Variants in KCNIP4 observed in about 807,000 individuals in gnomAD.
KCNIP4 encodes the protein Kv channel-interacting protein 4.
In KCNIP4, 12 loss-of-function variants were observed where a neutral mutation model predicts 34.0. The ratio of observed to expected loss-of-function variants is 0.35; its 90% CI spans 0.23 to 0.57. KCNIP4 has a LOEUF of 0.57. KCNIP4 is among the 20% of genes least tolerant of loss of function. The probability of loss-of-function intolerance (pLI) is 0.83; values close to 1 mark genes in which losing one functional copy is unlikely to be tolerated. For synonymous variants in KCNIP4, 124 were observed against 102.2 expected, an observed-to-expected ratio of 1.21 and a Z score of -1.29; for missense variants, 238 against 311.7, an observed-to-expected ratio of 0.76 and a Z score of 1.78.
chr4:21,736,749 T>G (rs1430353174), intron 1 of KCNIP4, among the ~76,000 whole-genome samples: 3 of 152,168 alleles, frequency 2.0e-5, no homozygotes, highest in African/African-American at 7.2e-5. Context: ...ATAAATAATT[T>G]TATATATTTC....
At chr4:21,356,396 C>T (rs918053677) in intron 1 of KCNIP4, among the ~76,000 whole-genome samples, 54 of 151,976 alleles carry the variant, frequency 3.6e-4, no homozygotes, top group African/African-American at 1.0e-3. Context: ...TGCAGATGCA[C>T]GATTGCATAT....
At chr4:21,866,771 T>TC (rs1235724247) in intron 1 of KCNIP4, among the ~76,000 whole-genome samples, 4 of 137,228 alleles carry the variant, frequency 2.9e-5, no homozygotes, top group South Asian at 2.6e-4. Context: ...GATTTTTTTT[T>TC]TTTTTTTTTT....
chr4:21,778,138 T>C (rs1259788975), intron 1 of KCNIP4, among the ~76,000 whole-genome samples: 1 of 152,020 alleles, frequency 6.6e-6, no homozygotes, highest in Admixed American at 6.6e-5. Context: ...TGGTGCATAA[T>C]TTTCATAACT....
At chr4:20,888,661 G>A (rs1054839566) in intron 1 of KCNIP4, among the ~76,000 whole-genome samples, 2 of 151,926 alleles carry the variant, frequency 1.3e-5, no homozygotes, top group East Asian at 1.9e-4. Flanking sequence ...AATATGTATC[G>A]CCACCTACAA....
intron 1 of KCNIP4, among the ~76,000 whole-genome samples, chr4:21,640,582 G>A (rs1746544623): frequency 6.6e-6 from 1 of 152,078 alleles, no homozygotes; most frequent in Non-Finnish European, 1.5e-5. Context: ...TCTGATCCAT[G>A]TTCCAGCCAA....
intron 1 of KCNIP4, among the ~76,000 whole-genome samples, chr4:21,870,133 C>A (rs1304224998): frequency 6.6e-6 from 1 of 152,160 alleles, no homozygotes; most frequent in African/African-American, 2.4e-5. Context: ...AACTTAGCGT[C>A]ACCTTAGTGT....
chr4:21,011,313 T>A (rs1739047056), intron 1 of KCNIP4, among the ~76,000 whole-genome samples: 1 of 152,214 alleles, frequency 6.6e-6, no homozygotes, highest in African/African-American at 2.4e-5. Context: ...TTCATACAAC[T>A]CTTGTTTCTG....
At chr4:21,233,027 C>A (rs143243189) in intron 1 of KCNIP4, among the ~76,000 whole-genome samples, 179 of 152,194 alleles carry the variant, frequency 1.2e-3, no homozygotes, top group African/African-American at 4.1e-3. Flanking sequence ...AGACAAGAAG[C>A]ATTCCAGTGA....
At chr4:21,829,148 C>T (rs1321802702) in intron 1 of KCNIP4, among the ~76,000 whole-genome samples, 1 of 151,844 alleles carries the variant, frequency 6.6e-6, no homozygotes, top group Admixed American at 6.6e-5. Context: ...GGTGCAAAAG[C>T]AATCTTTGGG....
intron 1 of KCNIP4, among the ~76,000 whole-genome samples, chr4:21,547,494 T>C (rs1577574050): frequency 1.3e-5 from 2 of 152,124 alleles, no homozygotes; most frequent in East Asian, 3.9e-4. Flanking sequence ...TATATGATAA[T>C]ATTGCTCACA....
At chr4:21,056,270 A>C (rs2108960047) in intron 1 of KCNIP4, among the ~76,000 whole-genome samples, 1 of 151,930 alleles carries the variant, frequency 6.6e-6, no homozygotes, top group African/African-American at 2.4e-5. Flanking sequence ...CTGTATCTAC[A>C]AAAAAAAGCC....
At position 21,607,274 on chromosome 4, in the gene KCNIP4, G is replaced by C. The variant is rs79049860; in HGVS notation, c.61+341297C>G. 4.3e-3 allele frequency among the ~76,000 whole-genome samples: 650 copies of C among 152,240 alleles called. 1 individual carries two copies. The highest frequency in any genetic ancestry group is 0.01 in the Middle Eastern group (3 of 294). Reference sequence around the variant, plus strand: ...ACCACAGTGAATAACGCCTATCTCAGAAGGTTCTTCTAAGGAATAATGTGT... The same window carrying C: ...ACCACAGTGAATAACGCCTATCTCACAAGGTTCTTCTAAGGAATAATGTGT... On this transcript the variant is annotated intron_variant, in intron 1 of 8. Coordinates refer to ENST00000382152, the MANE Select transcript of KCNIP4 (RefSeq NM_025221.6).
At chr4:21,434,199 T>C (rs527382933) in intron 1 of KCNIP4, among the ~76,000 whole-genome samples, 1 of 152,280 alleles carries the variant, frequency 6.6e-6, no homozygotes, top group African/African-American at 2.4e-5. Flanking sequence ...GATATTCATG[T>C]TACAATTGAA....
chr4:21,124,045 A>AC (rs200013934), intron 1 of KCNIP4, among the ~76,000 whole-genome samples: 1,834 of 150,490 alleles, frequency 0.012, 18 homozygotes, highest in Middle Eastern at 0.024. Flanking sequence ...AAAAACAACA[A>AC]AAAAAAAACA....
intron 1 of KCNIP4, among the ~76,000 whole-genome samples, chr4:21,293,913 T>C (rs1763688693): frequency 6.6e-6 from 1 of 152,150 alleles, no homozygotes; most frequent in South Asian, 2.1e-4. Context: ...TAGCCCTATC[T>C]GGGAGGCAGG....
chr4:20,826,821 G>A (rs916150366), intron 3 of KCNIP4, among the ~76,000 whole-genome samples: 6 of 152,120 alleles, frequency 3.9e-5, no homozygotes, highest in Admixed American at 6.5e-5. Context: ...ACATTAGATG[G>A]CATCAATATT....
chr4:21,700,727 G>T (rs909390802), intron 1 of KCNIP4, among the ~76,000 whole-genome samples: 1 of 151,886 alleles, frequency 6.6e-6, no homozygotes, highest in Non-Finnish European at 1.5e-5. Context: ...CACAGTTCCA[G>T]GTTTTACATT....
chr4:21,415,075 A>G (rs1577326098), intron 1 of KCNIP4, among the ~76,000 whole-genome samples: 1 of 152,024 alleles, frequency 6.6e-6, no homozygotes, highest in Non-Finnish European at 1.5e-5. Context: ...ATATTTTTGT[A>G]CCCATTAACC....
chr4:21,637,059 C>T (rs1239703276), intron 1 of KCNIP4, among the ~76,000 whole-genome samples: 2 of 152,082 alleles, frequency 1.3e-5, no homozygotes, highest in Non-Finnish European at 2.9e-5. Context: ...TCTGTATTCA[C>T]AGGAAATTGG....
Sources: gnomAD v4.1 joint callset for allele counts (sites outside exome capture counted in the v4.1 genomes callset) on GRCh38, gnomAD v4.1.1 for gene constraint, MANE v1.5 for transcripts, NCBI Gene and HGNC (gene_info 2026-07-23, HGNC 2026-07-21) for gene names.